TRIM24: variants seen among roughly 807,000 people sequenced by gnomAD.
The protein encoded by TRIM24 is tripartite motif containing 24.
Under a neutral mutation model 123.9 loss-of-function variants are expected in TRIM24, and 29 were observed. That is an observed-to-expected ratio of 0.23 (90% confidence interval 0.17 to 0.32). The LOEUF is 0.32. Among genes scored for constraint, TRIM24 ranks in the 10% least tolerant of loss-of-function variants. The probability of loss-of-function intolerance (pLI) is 1.00; values close to 1 mark genes in which losing one functional copy is unlikely to be tolerated. For missense variants in TRIM24, 932 were observed against 1,295.3 expected (o/e 0.72, Z 4.31); for synonymous variants, 456 against 461.1 (o/e 0.99, Z 0.14).
At chr7:138,519,103 G>T (rs1016537166) in intron 3 of TRIM24, 86 bp from the exon 4 acceptor site, 2 of 1,495,678 alleles carry the variant, frequency 1.3e-6, no homozygotes, top group African/African-American at 2.8e-5. Context: ...TATATCAATA[G>T]ATGTGAATTC....
chr7:138,581,875 C>G, intron 17 of TRIM24, 104 bp downstream of exon 17: 6 of 891,996 alleles, frequency 6.7e-6, no homozygotes, highest in Non-Finnish European at 1.1e-5. Context: ...TTTTTAATAT[C>G]TAAACCTTAA....
intron 9 of TRIM24, among the ~76,000 whole-genome samples, chr7:138,566,599 A>G (rs1051359394): frequency 1.3e-5 from 2 of 152,146 alleles, no homozygotes; most frequent in Admixed American, 1.3e-4. Flanking sequence ...GCACCCGAAC[A>G]TGTTTTGGTA....
rs879375264 is a variant in TRIM24, at chr7:138,531,246, A to ATGTTACATATGTTACATATGTTTACATG, written c.996+2029_996+2056dup. 1.1e-3 allele frequency among the ~76,000 whole-genome samples: 162 copies of ATGTTACATATGTTACATATGTTTACATG among 147,158 alleles called. 1 individual carries two copies. Among genetic ancestry groups the ATGTTACATATGTTACATATGTTTACATG allele is most frequent in the Middle Eastern group, 7.0e-3 (2 of 286 alleles). ...CATACGTATACATGTTACACGTTAC[A>ATGTTACATATGTTACATATGTTTACATG]TGTTACATATGTTACATATGTTTAC... On this transcript the variant is annotated intron_variant, in intron 6 of 18. Coordinates refer to ENST00000343526, the MANE Select transcript of TRIM24 (RefSeq NM_015905.3).
intron 2 of TRIM24, among the ~76,000 whole-genome samples, chr7:138,508,700 C>CGCGCGCGCGCGCGTGTGT (rs1182276337): frequency 1.1e-4 from 4 of 35,564 alleles, no homozygotes; most frequent in South Asian, 9.5e-4. Flanking sequence ...TGTGCGCGCG[C>CGCGCGCGCGCGCGTGTGT]GTGTGTGCGT....
rs750824207 is a variant in TRIM24, at chr7:138,461,150, CGCT to C, written c.364+242_364+244del. On this transcript the variant is annotated intron_variant, in intron 1 of 18. Coordinates refer to ENST00000343526, the MANE Select transcript of TRIM24 (RefSeq NM_015905.3). ...GACTTGACCGCGCCGCCGCCGCCGC[CGCT>C]GCTCCGCATTCTCAACAGCCGGGCG... The C allele has an allele frequency of 4.5e-5, 31 of 681,430 alleles. No individual in the cohort carries two copies. In the East Asian group the frequency reaches 5.3e-4, roughly 12 times the overall value. 42.2% of individuals were successfully genotyped at this position (681,430 alleles called of 1,614,324 possible). A position where few individuals can be genotyped will look rare whatever the true frequency, so the allele number is the denominator to read the frequency against.
chr7:138,528,330 T>TC (rs1206617486), intron 5 of TRIM24, among the ~76,000 whole-genome samples: 91 of 152,300 alleles, frequency 6.0e-4, no homozygotes, highest in African/African-American at 1.9e-3. Flanking sequence ...TTTGTTTTTT[T>TC]CTTCTCCCCA....
intron 9 of TRIM24, among the ~76,000 whole-genome samples, chr7:138,563,633 C>T (rs887891804): frequency 2.6e-5 from 4 of 152,172 alleles, no homozygotes; most frequent in Admixed American, 2.6e-4. Context: ...CATCTTCCAC[C>T]TGATGTCACC....
At chr7:138,493,960 ATTG>A (rs533830364) in intron 1 of TRIM24, among the ~76,000 whole-genome samples, 426 of 151,748 alleles carry the variant, frequency 2.8e-3, no homozygotes, top group African/African-American at 9.0e-3. Context: ...CTGTTTTATT[ATTG>A]TTGTTGTTGT....
intron 9 of TRIM24, among the ~76,000 whole-genome samples, chr7:138,557,279 T>G (rs1046111534): frequency 6.6e-6 from 1 of 152,170 alleles, no homozygotes; most frequent in Non-Finnish European, 1.5e-5. Context: ...CTCTTTTTAA[T>G]TTCGGCTTCA....
intron 1 of TRIM24, among the ~76,000 whole-genome samples, chr7:138,492,728 G>A (rs1228943396): frequency 6.6e-6 from 1 of 152,184 alleles, no homozygotes; most frequent in Non-Finnish European, 1.5e-5. Context: ...AATTATAGTT[G>A]TAAAGTTACC....
chr7:138,509,851 G>C (rs1237554134), intron 2 of TRIM24, among the ~76,000 whole-genome samples: 1 of 152,058 alleles, frequency 6.6e-6, no homozygotes, highest in Admixed American at 6.6e-5. Context: ...GCAAAAGGAT[G>C]GAATTATTAA....
intron 1 of TRIM24, 98 bp downstream of exon 1, chr7:138,461,010 C>A (rs1794952633): frequency 1.8e-6 from 2 of 1,139,536 alleles, no homozygotes; most frequent in Non-Finnish European, 2.3e-6. Flanking sequence ...CGCCGCCGCC[C>A]GGGGTGCGCG....
chr7:138,477,311 C>T (rs1317770479), intron 1 of TRIM24, among the ~76,000 whole-genome samples: 4 of 151,988 alleles, frequency 2.6e-5, no homozygotes, highest in African/African-American at 9.7e-5. Context: ...CAAACAGAGA[C>T]TCCACCTCAA....
Position 138,580,689 on chromosome 7 carries a change from A to G in TRIM24, c.2713A>G (p.Lys905Glu). ...CCTTGTTAAGTTAACACCTATAGAT[A>G]AAAGGGTAAGTCTTTGGTAAGATGC... ...EGLVKLTPID[K>E]RKCERLLLFL... is the part of the protein sequence containing the mutation. Residue 905 changes from lysine to glutamate, a missense_variant, in exon 16 of 19, where the codon AAA becomes GAA. Physicochemically the swap from Lys to Glu is moderately conservative, Grantham distance 56. This residue lies in a region of TRIM24 where 45 missense variants were observed against 56.6 expected (regional missense o/e 0.80). Transcript: ENST00000343526. The G allele has an allele frequency of 6.2e-7, 1 of 1,612,722 alleles. No individual in the cohort carries two copies. The highest frequency in any genetic ancestry group is 8.5e-7 in the Non-Finnish European group (1 of 1,179,378).
intron 1 of TRIM24, among the ~76,000 whole-genome samples, chr7:138,477,480 A>G (rs980544893): frequency 2.6e-5 from 4 of 152,234 alleles, no homozygotes; most frequent in African/African-American, 4.8e-5. Context: ...CTGAACAAAT[A>G]TAAGTAACTC....
At chr7:138,503,218 T>C (rs919346518) in intron 1 of TRIM24, among the ~76,000 whole-genome samples, 4 of 152,146 alleles carry the variant, frequency 2.6e-5, no homozygotes, top group Non-Finnish European at 5.9e-5. Flanking sequence ...GGGAGGCGTG[T>C]CCCCTCAGCT....
intron 6 of TRIM24, among the ~76,000 whole-genome samples, chr7:138,537,237 G>T (rs184916478): frequency 6.6e-6 from 1 of 152,108 alleles, no homozygotes; most frequent in African/African-American, 2.4e-5. Flanking sequence ...CCCACTGTCC[G>T]ACAAGCCCCA....
At chr7:138,511,098 T>G (rs1465368398) in intron 2 of TRIM24, among the ~76,000 whole-genome samples, 1 of 152,124 alleles carries the variant, frequency 6.6e-6, no homozygotes, top group Non-Finnish European at 1.5e-5. Context: ...TGAGACTGGG[T>G]AATTTATAAA....
chr7:138,467,354 G>C (rs1795166084), intron 1 of TRIM24, among the ~76,000 whole-genome samples: 1 of 151,946 alleles, frequency 6.6e-6, no homozygotes, highest in South Asian at 2.1e-4. Context: ...GTTTTGTTTT[G>C]TTTTTTTGAG....
Sources: gnomAD v4.1 joint callset for allele counts (sites outside exome capture counted in the v4.1 genomes callset) on GRCh38, gnomAD v4.1.1 for gene constraint, gnomAD v4.1.1 regional missense constraint, MANE v1.5 for transcripts, NCBI Gene and HGNC (gene_info 2026-07-23, HGNC 2026-07-21) for gene names.